The following EXOC7 variants were observed in gnomAD, a reference collection of about 807,000 sequenced individuals.
EXOC7 encodes exocyst complex component Exo70.
A neutral mutation model predicts 87.6 loss-of-function variants in EXOC7; 51 were observed. The ratio of observed to expected loss-of-function variants is 0.58; its 90% confidence interval spans 0.46 to 0.73. The LOEUF (loss-of-function observed/expected upper bound fraction) is 0.73, where lower values mean the gene tolerates loss of function less well. Among genes scored for constraint, EXOC7 ranks in the 30% least tolerant of loss-of-function variants. The pLI is 0.00. For synonymous variants in EXOC7, 327 were observed against 357.1 expected (o/e 0.92, Z 0.95); for missense variants, 744 against 888.4 (o/e 0.84, Z 2.07).
chr17:76,093,031 T>C (rs2067572340), intron 6 of EXOC7: 1 of 152,368 alleles, frequency 6.6e-6, no homozygotes, highest in Non-Finnish European at 1.5e-5. Context: ...AGATCCCTCC[T>C]GCCTGAAAGG....
chr17:76,094,301 CACG>C (rs915123729), intron 6 of EXOC7, 110 bp downstream of exon 6: 517 of 1,231,872 alleles, frequency 4.2e-4, no homozygotes, highest in Non-Finnish European at 5.4e-4. Context: ...TCGGGGTTAC[CACG>C]ACGACAAGCT....
chr17:76,083,844 G>A, intron 18 of EXOC7, 94 bp from the exon 19 acceptor site: 2 of 1,501,312 alleles, frequency 1.3e-6, no homozygotes, highest in South Asian at 1.2e-5. Flanking sequence ...TGGAAGGGGT[G>A]GCCCTGAGCG....
At chr17:76,085,002 C>T (rs1373477338) in intron 15 of EXOC7, 3 of 469,212 alleles carry the variant, frequency 6.4e-6, no homozygotes, top group Middle Eastern at 5.6e-4. Flanking sequence ...CGTTCAAGTG[C>T]TCTCGCGACC....
In EXOC7 at chr17:76,090,534, G is replaced by A. The variant is rs540120057; in HGVS notation, c.901+609C>T. 117 of 1,519,868 alleles carry A rather than the reference G, an allele frequency of 7.7e-5. 3 individuals carry two copies. The South Asian group carries it at 1.2e-3, about 15-fold the overall frequency. The allele number at this position is 1,519,868 out of a possible 1,614,324, so 94.1% of individuals were successfully genotyped here. ...TGGGGATGGGGAAGGGGGCATCGGA[G>A]AGGGCCCTGAGCCCCTCCTCTACCT... is the stretch of plus-strand genomic sequence containing the variant. On this transcript the variant is annotated intron_variant, in intron 7 of 18. Transcript: ENST00000589210.
rs1467483010 is a variant in EXOC7 at position 76,081,948 on chromosome 17, G to A, written c.*1700C>T. The A allele has an allele frequency of 1.2e-6, 2 of 1,613,092 alleles. No individual in the cohort carries two copies. Among genetic ancestry groups the A allele is most frequent in the Admixed American group, 1.7e-5 (1 of 59,910 alleles). On this transcript the variant is annotated 3_prime_UTR_variant, in exon 19 of 19. Transcript: ENST00000589210. ...ACCATAGAGACTGTGCTGCTGGCTG[G>A]GCTGCTGGCCCGGGGCAACCTTGGG...
At chr17:76,103,450 A>G (rs2068178200) in intron 1 of EXOC7, 24 bp from the exon 2 acceptor site, 1 of 1,585,726 alleles carries the variant, frequency 6.3e-7, no homozygotes, top group Non-Finnish European at 8.6e-7. Flanking sequence ...AGGGGAGGAC[A>G]TCACCAGAAA....
chr17:76,094,249 C>T, intron 6 of EXOC7, 165 bp downstream of exon 6: 1 of 674,030 alleles, frequency 1.5e-6, no homozygotes, highest in Non-Finnish European at 2.4e-6. Context: ...GGGGGCTTCA[C>T]TGGGTGGGTA....
At chr17:76,091,055 A>G in intron 7 of EXOC7, 88 bp downstream of exon 7, 1 of 1,183,134 alleles carries the variant, frequency 8.5e-7, no homozygotes, top group Admixed American at 1.7e-5. Context: ...GTTTCTCCCG[A>G]GGCCCTCCTG....
rs2067362569 is a variant in EXOC7, at chr17:76,089,244, G to A, written c.978C>T (p.Ser326=). The A allele has an allele frequency of 3.1e-6, 5 of 1,614,070 alleles. No individual in the cohort carries two copies. Among genetic ancestry groups the A allele is most frequent in the Non-Finnish European group, 4.2e-6 (5 of 1,179,998 alleles). The part of the protein sequence containing the change: ...CVSAFVKLAQ[S]EYQLLADIIP... ...TGATGTCGGCCAGCAGCTGGTACTC[G>A]CTCTGCGCCAGCTTGACGAAGGCAC... Residue 326 remains serine, a synonymous_variant, in exon 8 of 19, where the codon AGC becomes AGT. Transcript: ENST00000589210.
At chr17:76,086,207 C>T (rs1180899584) in intron 12 of EXOC7, 62 bp from the exon 13 acceptor site, 5 of 1,513,778 alleles carry the variant, frequency 3.3e-6, no homozygotes, top group Non-Finnish European at 3.6e-6. Flanking sequence ...CGGCCCTTCC[C>T]CCAGGCCATG....
chr17:76,098,989 C>A (rs2067922823), intron 4 of EXOC7, among the ~76,000 whole-genome samples: 1 of 151,830 alleles, frequency 6.6e-6, no homozygotes, highest in Non-Finnish European at 1.5e-5. Flanking sequence ...AAGTTGAAAA[C>A]TTTTGTGCTG....
At chr17:76,084,612 A>C in intron 15 of EXOC7, 32 bp from the exon 16 acceptor site, 1 of 1,601,352 alleles carries the variant, frequency 6.2e-7, no homozygotes, top group Non-Finnish European at 8.6e-7. Flanking sequence ...ATGAGGGCAG[A>C]GGGTGGCCTG....
chr17:76,083,923 CT>C, intron 18 of EXOC7, 82 bp downstream of exon 18: 3 of 1,487,978 alleles, frequency 2.0e-6, no homozygotes, highest in Admixed American at 2.4e-5. Flanking sequence ...CACCCTTCTC[CT>C]TTTTCCCTTG....
At position 76,101,292 on chromosome 17, in the gene EXOC7, G is replaced by C; in HGVS notation, c.396C>G (p.Asp132Glu). The C allele has an allele frequency of 6.2e-7, 1 of 1,614,030 alleles. No individual in the cohort carries two copies. The highest frequency in any genetic ancestry group is 8.5e-7 in the Non-Finnish European group (1 of 1,180,018). Residue 132 changes from aspartate to glutamate, a missense_variant, in exon 4 of 19, where the codon GAC becomes GAG. Around this residue, in one of 3 missense-constraint regions of EXOC7, gnomAD observed 512 missense variants for 573.0 expected, o/e 0.89. Coordinates refer to ENST00000589210, the MANE Select transcript of EXOC7 (RefSeq NM_001013839.4). ...TTACCACTTTGTTGAGTTCCGGGCT[G>C]TCTGGGCTGTTGTCCTGGAAATACT... ...AVEYFQDNSPDSPELNKVKLL... is the reference protein window; with the variant it reads ...AVEYFQDNSPESPELNKVKLL...
At chr17:76,083,889 G>A (rs894363380) in intron 18 of EXOC7, 117 bp downstream of exon 18, 10 of 1,475,664 alleles carry the variant, frequency 6.8e-6, no homozygotes, top group Middle Eastern at 2.4e-4. Flanking sequence ...AGCCCAGGTC[G>A]CTGGATCTGC....
rs1374940765 is a variant in EXOC7 at position 76,089,395 on chromosome 17, C to G, written c.902-75G>C. On this transcript the variant is annotated intron_variant, in intron 7 of 18. Coordinates refer to ENST00000589210, the MANE Select transcript of EXOC7 (RefSeq NM_001013839.4). Reference sequence around the variant, plus strand: ...CCTGGCTGGGGGCGGCGTGGGTCCCCCAGCTCCTGGCCTGTACCCCACACT... The same window carrying G: ...CCTGGCTGGGGGCGGCGTGGGTCCCGCAGCTCCTGGCCTGTACCCCACACT... 3 of 1,574,482 alleles carry G rather than the reference C, an allele frequency of 1.9e-6. No homozygotes were observed. The African/African-American group carries it at 4.0e-5, about 21-fold the overall frequency.
intron 5 of EXOC7, 87 bp downstream of exon 5, chr17:76,097,709 A>G: frequency 1.7e-6 from 1 of 580,458 alleles, no homozygotes; most frequent in African/African-American, 2.1e-5. Flanking sequence ...ATCTCAAAAA[A>G]AAAAAAAAAA....
intron 7 of EXOC7, 31 bp downstream of exon 7, chr17:76,091,108 GAGGA>G: frequency 6.4e-7 from 1 of 1,569,622 alleles, no homozygotes; most frequent in Non-Finnish European, 8.8e-7. Flanking sequence ...CACAGTGGAG[GAGGA>G]AGGGACAGGA....
chr17:76,086,855 T>G, intron 12 of EXOC7: 1 of 1,551,116 alleles, frequency 6.4e-7, no homozygotes, highest in Non-Finnish European at 8.7e-7. Context: ...ACTGCTTACC[T>G]CGGGGGTCTA....
Sources: gnomAD v4.1 joint callset for allele counts (sites outside exome capture counted in the v4.1 genomes callset) on GRCh38, gnomAD v4.1.1 for gene constraint, gnomAD v4.1.1 regional missense constraint, MANE v1.5 for transcripts, NCBI Gene and HGNC (gene_info 2026-07-23, HGNC 2026-07-21) for gene names.